The following NDNF variants were observed in gnomAD, a reference collection of about 807,000 sequenced individuals.
The protein encoded by NDNF is neuron derived neurotrophic factor, also known as protein NDNF.
NDNF carries 16 observed loss-of-function variants against 42.0 expected under a neutral mutation model. The observed-to-expected ratio is 0.38, with a 90% confidence interval of 0.26 to 0.58. NDNF has a LOEUF of 0.58. NDNF is among the 20% of genes least tolerant of loss of function. NDNF has a pLI of 0.67. For missense variants in NDNF, 616 were observed against 666.2 expected (o/e 0.92, Z 0.83); for synonymous variants, 248 against 251.7 (o/e 0.99, Z 0.14).
rs774239705 is a variant in NDNF at position 121,036,773 on chromosome 4, T to C, written c.1198A>G (p.Asn400Asp). The change falls in exon 4 of 4, where the codon AAT (asparagine) becomes GAT (aspartate). Residue 400 changes from asparagine (N) to aspartate (D), a missense_variant. Coordinates refer to ENST00000379692, the MANE Select transcript of NDNF (RefSeq NM_024574.4). Reference protein sequence around the residue: ...RRDGKLLLSQNVEGIQQFQLR... With the variant: ...RRDGKLLLSQDVEGIQQFQLR... Reference sequence around the variant, plus strand: ...TGAAACTGCTGAATGCCTTCCACATTCTGAGACAGAAGAAGTTTCCCATCT... The same window carrying C: ...TGAAACTGCTGAATGCCTTCCACATCCTGAGACAGAAGAAGTTTCCCATCT... 4 of 1,614,152 alleles carry C rather than the reference T, an allele frequency of 2.5e-6. No individual in the cohort carries two copies. Among genetic ancestry groups the C allele is most frequent in the South Asian group, 1.1e-5 (1 of 91,082 alleles).
At chr4:121,071,183 A>C (rs945609911) in intron 1 of NDNF, among the ~76,000 whole-genome samples, 1 of 151,966 alleles carries the variant, frequency 6.6e-6, no homozygotes, top group African/African-American at 2.4e-5. Flanking sequence ...GCGAACCCCA[A>C]CTCACGCACA....
In NDNF at chr4:121,036,440, C is replaced by T. The variant is rs1284840141; in HGVS notation, c.1531G>A (p.Glu511Lys). Residue 511 changes from glutamate to lysine, a missense_variant, in exon 4 of 4, where the codon GAA becomes AAA. Glu to Lys is a moderately conservative substitution (Grantham distance 56). Transcript: ENST00000379692. ...CLGPDIRKKS[E>K]KVLCKYFHSQ... Reference sequence around the variant, plus strand: ...TGGAAATATTTACAGAGGACCTTTTCTGACTTCTTCCTTATATCTGGTCCT... The same window carrying T: ...TGGAAATATTTACAGAGGACCTTTTTTGACTTCTTCCTTATATCTGGTCCT... The T allele has an allele frequency of 1.2e-6, 2 of 1,614,064 alleles. No homozygotes were observed. Among genetic ancestry groups the T allele is most frequent in the East Asian group, 2.2e-5 (1 of 44,892 alleles).
chr4:121,039,229 T>C (rs1726952321), intron 3 of NDNF, among the ~76,000 whole-genome samples: 2 of 124,854 alleles, frequency 1.6e-5, no homozygotes, highest in Admixed American at 8.4e-5. Flanking sequence ...TATATATATA[T>C]ATATATAAAG....
rs200281108 is a variant in NDNF at position 121,036,576 on chromosome 4, G to C, written c.1395C>G (p.Ala465=). The C allele has an allele frequency of 6.2e-7, 1 of 1,614,076 alleles. No homozygotes were observed. Among genetic ancestry groups the C allele is most frequent in the East Asian group, 2.2e-5 (1 of 44,876 alleles). ...AFDKLRTCSS[A]TVAWLGTQER... Reference sequence around the variant, plus strand: ...CCTGAGTGCCTAGCCAAGCCACGGTGGCTGAGGAACAGGTACGGAGCTTGT... The same window carrying C: ...CCTGAGTGCCTAGCCAAGCCACGGTCGCTGAGGAACAGGTACGGAGCTTGT... Residue 465 remains alanine (A), a synonymous_variant, in exon 4 of 4, where the codon GCC becomes GCG. Coordinates refer to ENST00000379692, the MANE Select transcript of NDNF (RefSeq NM_024574.4).
At chr4:121,058,321 C>A (rs1053778195) in intron 1 of NDNF, among the ~76,000 whole-genome samples, 1 of 152,112 alleles carries the variant, frequency 6.6e-6, no homozygotes, top group African/African-American at 2.4e-5. Flanking sequence ...TTCTTAGCTT[C>A]AAATTCGTTC....
rs1229456499 is a variant in NDNF at position 121,040,817 on chromosome 4, A to AT, written c.189-764dup. On this transcript the variant is annotated intron_variant, in intron 2 of 3. Coordinates refer to ENST00000379692, the MANE Select transcript of NDNF (RefSeq NM_024574.4). ...GCCACCATATCTGGCTAATTTTTAAATTTTTTTGTACAGATGGGGGTCTCA... is the reference window on the plus strand; with the variant it reads ...GCCACCATATCTGGCTAATTTTTAAATTTTTTTTGTACAGATGGGGGTCTCA... Among the ~76,000 whole-genome samples, 3 of 152,074 alleles carry AT rather than the reference A, an allele frequency of 2.0e-5. No homozygotes were observed. The East Asian group carries it at 5.8e-4, about 29-fold the overall frequency.
intron 1 of NDNF, among the ~76,000 whole-genome samples, chr4:121,055,808 TACACAC>T (rs370515779): frequency 1.3e-5 from 2 of 150,692 alleles, no homozygotes; most frequent in African/African-American, 4.9e-5. Flanking sequence ...CATACACACA[TACACAC>T]ACACACACGC....
At chr4:121,055,993 C>A (rs1351648831) in intron 1 of NDNF, among the ~76,000 whole-genome samples, 1 of 152,106 alleles carries the variant, frequency 6.6e-6, no homozygotes, top group Non-Finnish European at 1.5e-5. Flanking sequence ...TTAAGAAAGA[C>A]AGATACAGAA....
intron 1 of NDNF, among the ~76,000 whole-genome samples, chr4:121,055,827 C>T (rs560525497): frequency 6.6e-6 from 1 of 151,656 alleles, no homozygotes; most frequent in African/African-American, 2.4e-5. Flanking sequence ...ACACACGCAC[C>T]CCAGAAGTTG....
rs1225080509 is a variant in NDNF at position 121,072,121 on chromosome 4, G to A, written c.-130C>T. The stretch of plus-strand genomic sequence containing the variant: ...ACCAATATCCAGGAACGAGAAGCCT[G>A]GAGGGCGGGGACGGAGGCAGATAAA... On this transcript the variant is annotated 5_prime_UTR_variant, in exon 1 of 4. Coordinates refer to ENST00000379692, the MANE Select transcript of NDNF (RefSeq NM_024574.4). 6.6e-6 allele frequency: 1 copy of A among 152,422 alleles called. No individual in the cohort carries two copies. The highest frequency in any genetic ancestry group is 1.5e-5 in the Non-Finnish European group (1 of 68,206). The allele number at this position is 152,422 out of a possible 1,614,324, so 9.4% of individuals were successfully genotyped here.
At chr4:121,056,356 C>T (rs185496172) in intron 1 of NDNF, among the ~76,000 whole-genome samples, 39 of 152,280 alleles carry the variant, frequency 2.6e-4, no homozygotes, top group South Asian at 2.1e-4. Context: ...TGACTGGCAG[C>T]GTCTTTAGGA....
intron 2 of NDNF, among the ~76,000 whole-genome samples, chr4:121,045,326 T>G (rs1457852325): frequency 2.0e-5 from 3 of 149,732 alleles, no homozygotes; most frequent in African/African-American, 7.4e-5. Flanking sequence ...CACTCCAGCC[T>G]GGGCAACAGA....
chr4:121,055,054 A>C (rs1356649729), intron 1 of NDNF, among the ~76,000 whole-genome samples: 1 of 151,986 alleles, frequency 6.6e-6, no homozygotes, highest in Non-Finnish European at 1.5e-5. Context: ...GGTTGGTCTC[A>C]AACCCCTGGG....
chr4:121,054,755 C>A (rs902563984), intron 1 of NDNF, among the ~76,000 whole-genome samples: 2 of 152,196 alleles, frequency 1.3e-5, no homozygotes, highest in East Asian at 1.9e-4. Context: ...GAATGGAAGA[C>A]CAAGTGCCAA....
chr4:121,057,366 CAG>C (rs1369539162), intron 1 of NDNF, among the ~76,000 whole-genome samples: 1 of 152,150 alleles, frequency 6.6e-6, no homozygotes, highest in Non-Finnish European at 1.5e-5. Flanking sequence ...GAAGAGACAG[CAG>C]AAAGACAAAC....
rs1371111712 is a variant in NDNF at position 121,035,667 on chromosome 4, A to C, written c.*597T>G. ...AATCTCTTTAATTTTATGTACATGA[A>C]TATAATGTATGTCAACTTTGTACAT... is the stretch of plus-strand genomic sequence containing the variant. On this transcript the variant is annotated 3_prime_UTR_variant, in exon 4 of 4. Transcript: ENST00000379692. The C allele has an allele frequency of 2.0e-5, 3 of 152,396 alleles. No individual in the cohort carries two copies. Among genetic ancestry groups the C allele is most frequent in the Non-Finnish European group, 4.4e-5 (3 of 68,038 alleles). 9.4% of individuals were successfully genotyped at this position (152,396 alleles called of 1,614,324 possible).
rs1211342693 is a variant in NDNF, at chr4:121,072,422, T to A, written c.-431A>T. 1 of 150,162 alleles carries A rather than the reference T, an allele frequency of 6.7e-6. No homozygotes were observed. The highest frequency in any genetic ancestry group is 6.6e-5 in the Admixed American group (1 of 15,100). 9.3% of individuals were successfully genotyped at this position (150,162 alleles called of 1,614,324 possible). ...GGCCGCCGCTAGTCGCACAGGCGCC[T>A]GGCTGGAGCGCCGCGCGGGGTGCTG... On this transcript the variant is annotated 5_prime_UTR_variant, in exon 1 of 4. Coordinates refer to ENST00000379692, the MANE Select transcript of NDNF (RefSeq NM_024574.4).
At chr4:121,045,606 C>T (rs1162650347) in intron 2 of NDNF, 44 bp downstream of exon 2, 3 of 1,541,912 alleles carry the variant, frequency 1.9e-6, no homozygotes, top group Admixed American at 3.5e-5. Flanking sequence ...TTGGAGGCAT[C>T]CTTTGTGAGC....
intron 1 of NDNF, among the ~76,000 whole-genome samples, chr4:121,046,168 G>A (rs6534244): frequency 0.47 from 72,145 of 151,966 alleles, 20,367 homozygotes; most frequent in East Asian, 0.64. Flanking sequence ...TGTAGATAAC[G>A]CTATATCAAT....
Sources: allele counts gnomAD v4.1 joint callset (sites outside exome capture counted in the v4.1 genomes callset), GRCh38; gene constraint gnomAD v4.1.1; transcripts MANE v1.5; gene names NCBI Gene and HGNC (gene_info 2026-07-23, HGNC 2026-07-21).